Variants in MDGA2 observed in about 807,000 individuals in gnomAD.
The protein encoded by MDGA2 is MAM domain containing glycosylphosphatidylinositol anchor 2.
MDGA2 carries 40 observed loss-of-function variants against 117.8 expected under a neutral mutation model. The ratio of observed to expected loss-of-function variants is 0.34; its 90% confidence interval spans 0.26 to 0.44. The LOEUF (loss-of-function observed/expected upper bound fraction) is 0.44. Ranked by LOEUF, MDGA2 falls within the 20% of genes least tolerant of loss-of-function variation. The probability of loss-of-function intolerance (pLI) is 1.00; values close to 1 mark genes in which losing one functional copy is unlikely to be tolerated. For missense variants in MDGA2, 1,123 were observed against 1,250.6 expected (o/e 0.90, Z 1.54); for synonymous variants, 452 against 439.0 (o/e 1.03, Z -0.37).
intron 10 of MDGA2, among the ~76,000 whole-genome samples, chr14:46,895,697 A>G (rs1883048715): frequency 6.6e-6 from 1 of 151,964 alleles, no homozygotes; most frequent in Admixed American, 6.6e-5. Flanking sequence ...AGTGCACTCC[A>G]GCCTGGGCGA....
intron 3 of MDGA2, among the ~76,000 whole-genome samples, chr14:47,158,006 TAC>T (rs3039402): frequency 0.12 from 17,595 of 148,982 alleles, 1,081 homozygotes; most frequent in Middle Eastern, 0.19. Context: ...ACAGTATCTA[TAC>T]ACACACACAC....
chr14:47,248,270 A>C (rs1276780596), intron 2 of MDGA2, among the ~76,000 whole-genome samples: 1 of 151,688 alleles, frequency 6.6e-6, no homozygotes, highest in African/African-American at 2.4e-5. Flanking sequence ...AAAAGGATGA[A>C]TTTATTTTAC....
chr14:47,232,366 G>T (rs994175398), intron 2 of MDGA2, among the ~76,000 whole-genome samples: 1 of 151,996 alleles, frequency 6.6e-6, no homozygotes, highest in Admixed American at 6.6e-5. Context: ...AGTTCTCTTG[G>T]TGGGCAAGTG....
intron 1 of MDGA2, among the ~76,000 whole-genome samples, chr14:47,520,295 T>A (rs116027260): frequency 1.0e-3 from 152 of 152,284 alleles, no homozygotes; most frequent in African/African-American, 3.4e-3. Context: ...ATATACACTT[T>A]GAGAAATCAA....
intron 1 of MDGA2, among the ~76,000 whole-genome samples, chr14:47,603,491 CACCGAACTAACAAGATACCT>C (rs1458047641): frequency 1.3e-5 from 2 of 152,144 alleles, no homozygotes; most frequent in Non-Finnish European, 2.9e-5. Flanking sequence ...CCGGTCATTC[CACCGAACTAACAAGATACCT>C]ATATTCTGCA....
chr14:47,143,130 C>T (rs571082035), intron 4 of MDGA2, among the ~76,000 whole-genome samples: 7 of 152,066 alleles, frequency 4.6e-5, no homozygotes, highest in East Asian at 1.9e-4. Flanking sequence ...ATTACAGGCA[C>T]GTGCCACCAT....
At chr14:47,000,478 T>C (rs1204234807) in intron 8 of MDGA2, among the ~76,000 whole-genome samples, 1 of 144,384 alleles carries the variant, frequency 6.9e-6, no homozygotes, top group African/African-American at 2.5e-5. Flanking sequence ...TATAACAGGT[T>C]GCAAGATCTT....
intron 1 of MDGA2, among the ~76,000 whole-genome samples, chr14:47,610,979 C>T (rs1896837289): frequency 6.6e-6 from 1 of 152,074 alleles, no homozygotes; most frequent in African/African-American, 2.4e-5. Context: ...GCCACAGTCA[C>T]CAAAACAGCA....
At chr14:47,030,096 G>T (rs571968184) in intron 8 of MDGA2, among the ~76,000 whole-genome samples, 4 of 152,106 alleles carry the variant, frequency 2.6e-5, no homozygotes, top group East Asian at 1.9e-4. Context: ...AGAGCGCTGG[G>T]ATTACAGGTG....
intron 2 of MDGA2, among the ~76,000 whole-genome samples, chr14:47,289,140 A>T (rs1387650333): frequency 6.6e-6 from 1 of 152,070 alleles, no homozygotes; most frequent in Non-Finnish European, 1.5e-5. Context: ...TGAAAACTCA[A>T]GTAAATTAAT....
At chr14:47,393,174 G>A (rs1418934121) in intron 1 of MDGA2, among the ~76,000 whole-genome samples, 2 of 151,420 alleles carry the variant, frequency 1.3e-5, no homozygotes, top group African/African-American at 2.4e-5. Flanking sequence ...TTGTTATCTG[G>A]AGATTGACAG....
chr14:47,661,957 G>A (rs563885611), intron 1 of MDGA2, among the ~76,000 whole-genome samples: 11 of 152,038 alleles, frequency 7.2e-5, no homozygotes, highest in African/African-American at 1.7e-4. Flanking sequence ...GGCTGGTCTC[G>A]AGCTCCTGAC....
chr14:46,882,784 T>C (rs1882514886), intron 10 of MDGA2, among the ~76,000 whole-genome samples: 1 of 151,638 alleles, frequency 6.6e-6, no homozygotes, highest in Non-Finnish European at 1.5e-5. Flanking sequence ...AAAGTCATAG[T>C]GGGAAGGCTG....
At chr14:47,128,792 T>C (rs1280542220) in intron 5 of MDGA2, among the ~76,000 whole-genome samples, 1 of 151,714 alleles carries the variant, frequency 6.6e-6, no homozygotes, top group South Asian at 2.1e-4. Context: ...CCTCCTGAGT[T>C]CACGCCATTT....
At chr14:46,966,963 T>A (rs1049163861) in intron 8 of MDGA2, among the ~76,000 whole-genome samples, 3 of 150,996 alleles carry the variant, frequency 2.0e-5, no homozygotes, top group Non-Finnish European at 4.4e-5. Context: ...TTTGACAGCA[T>A]GAATAAAATT....
chr14:47,014,352 A>G (rs185449699), intron 8 of MDGA2, among the ~76,000 whole-genome samples: 1 of 152,316 alleles, frequency 6.6e-6, no homozygotes, highest in Admixed American at 6.5e-5. Flanking sequence ...CAGCTACATT[A>G]GCCCCTAACA....
At chr14:46,959,968 A>T (rs1885726984) in intron 8 of MDGA2, among the ~76,000 whole-genome samples, 1 of 152,128 alleles carries the variant, frequency 6.6e-6, no homozygotes, top group African/African-American at 2.4e-5. Context: ...TCACACCTGT[A>T]ATCTCAGCAC....
At chr14:46,947,524 G>A (rs916875127) in intron 9 of MDGA2, among the ~76,000 whole-genome samples, 1 of 151,982 alleles carries the variant, frequency 6.6e-6, no homozygotes, top group Non-Finnish European at 1.5e-5. Context: ...TGTTGTGGGA[G>A]GGATCTGGTG....
chr14:47,455,374 C>T (rs1893328099), intron 1 of MDGA2, among the ~76,000 whole-genome samples: 1 of 151,940 alleles, frequency 6.6e-6, no homozygotes, highest in African/African-American at 2.4e-5. Flanking sequence ...GCTGTGGTGG[C>T]ACACGACTGT....
Sources: gnomAD v4.1 joint callset for allele counts (sites outside exome capture counted in the v4.1 genomes callset) on GRCh38, gnomAD v4.1.1 for gene constraint, MANE v1.5 for transcripts, NCBI Gene and HGNC (gene_info 2026-07-23, HGNC 2026-07-21) for gene names.